The following SLC15A2 variants were observed in gnomAD, a reference collection of about 807,000 sequenced individuals.
The protein encoded by SLC15A2 is kidney H(+)/peptide cotransporter.
SLC15A2 carries 77 observed loss-of-function variants against 95.5 expected under a neutral mutation model. The ratio of observed to expected loss-of-function variants is 0.81; its 90% CI spans 0.67 to 0.97. SLC15A2 has a LOEUF of 0.97. Ranked by LOEUF, SLC15A2 falls within the 50% of genes least tolerant of loss-of-function variation. The pLI, the probability that SLC15A2 is intolerant of heterozygous loss-of-function variation, is 0.00. For missense variants in SLC15A2, 893 were observed against 874.4 expected (o/e 1.02, Z -0.27); for synonymous variants, 306 against 306.9 (o/e 1.00, Z 0.03).
intron 3 of SLC15A2, among the ~76,000 whole-genome samples, chr3:121,901,211 A>T (rs1306919344): frequency 2.0e-5 from 3 of 151,654 alleles, no homozygotes; most frequent in Non-Finnish European, 4.4e-5. Context: ...TAGAGATGAG[A>T]TTTCACCATG....
At chr3:121,935,633 C>A (rs550352955) in intron 19 of SLC15A2, among the ~76,000 whole-genome samples, 2 of 151,610 alleles carry the variant, frequency 1.3e-5, no homozygotes, top group Non-Finnish European at 2.9e-5. Context: ...TTTTTTATTG[C>A]GTCTATTTGA....
chr3:121,897,651 T>C, intron 3 of SLC15A2, 122 bp downstream of exon 3: 1 of 908,326 alleles, frequency 1.1e-6, no homozygotes, highest in Admixed American at 2.8e-5. Flanking sequence ...TAAGAATCTC[T>C]GTACATCTGT....
At position 121,928,448 on chromosome 3, in the gene SLC15A2, C is replaced by T; in HGVS notation, c.1234C>T (p.Gln412Ter). The T allele has an allele frequency of 6.2e-7, 1 of 1,613,994 alleles. No individual in the cohort carries two copies. Among genetic ancestry groups the T allele is most frequent in the Non-Finnish European group, 8.5e-7 (1 of 1,179,894 alleles). Reference sequence around the variant, plus strand: ...AATGGCCCCAGCCCAGCCAGGTCCCCAGGAGGTTTTCCTACAAGTCTTGAA... The same window carrying T: ...AATGGCCCCAGCCCAGCCAGGTCCCTAGGAGGTTTTCCTACAAGTCTTGAA... ...NEMAPAQPGP[Q>*]EVFLQVLNLA... Residue 412 changes from glutamine to a stop codon, truncating the protein, a stop_gained, in exon 15 of 22, where the codon CAG becomes TAG. Transcript: ENST00000489711. LOFTEE classifies it high-confidence loss of function.
chr3:121,923,388 C>A, intron 11 of SLC15A2, 122 bp downstream of exon 11: 2 of 915,546 alleles, frequency 2.2e-6, no homozygotes, highest in Middle Eastern at 2.5e-4. Flanking sequence ...GTGCTTTTAG[C>A]CTGAAGGTAC....
At chr3:121,927,533 G>A (rs1432748358) in intron 13 of SLC15A2, 13 of 460,150 alleles carry the variant, frequency 2.8e-5, no homozygotes, top group Admixed American at 1.0e-4. Flanking sequence ...AAAGCTCCTC[G>A]ATGCTTCACC....
chr3:121,919,048 G>A (rs568965111), intron 7 of SLC15A2, among the ~76,000 whole-genome samples: 40 of 152,038 alleles, frequency 2.6e-4, no homozygotes, highest in Non-Finnish European at 3.8e-4. Context: ...ACACGGTGGC[G>A]CCCAAAAACT....
At chr3:121,903,703 G>T (rs1037381229) in intron 3 of SLC15A2, among the ~76,000 whole-genome samples, 3 of 152,084 alleles carry the variant, frequency 2.0e-5, no homozygotes, top group Non-Finnish European at 4.4e-5. Flanking sequence ...CTGTTCCATT[G>T]GTCTATATAT....
intron 7 of SLC15A2, among the ~76,000 whole-genome samples, chr3:121,920,220 G>A (rs564952701): frequency 6.6e-6 from 1 of 152,220 alleles, no homozygotes; most frequent in East Asian, 1.9e-4. Flanking sequence ...CTCTTTCTAG[G>A]ATCATTCTTA....
intron 3 of SLC15A2, among the ~76,000 whole-genome samples, 168 bp from the exon 4 acceptor site, chr3:121,911,406 T>A (rs1474596507): frequency 6.6e-6 from 1 of 152,210 alleles, no homozygotes; most frequent in Admixed American, 6.5e-5. Context: ...GTCTGTTCAC[T>A]TCATTCACCA....
In SLC15A2 at chr3:121,931,678, T is replaced by C. The variant is rs1710235352; in HGVS notation, c.1704T>C (p.Phe568=). The part of the protein sequence containing the change: ...AVHCRTEDKN[F]SLNLGLLDFG... ...ACTGTAGAACAGAAGATAAGAACTT[T>C]TCTCTGAATTTGGGTCTTCTAGACT... Residue 568 remains phenylalanine (F), a synonymous_variant, in exon 19 of 22, where the codon TTT becomes TTC. Coordinates refer to ENST00000489711, the MANE Select transcript of SLC15A2 (RefSeq NM_021082.4). 1 of 1,613,698 alleles carries C rather than the reference T, an allele frequency of 6.2e-7. No individual in the cohort carries two copies. Among genetic ancestry groups the C allele is most frequent in the Non-Finnish European group, 8.5e-7 (1 of 1,179,644 alleles).
Position 121,894,413 on chromosome 3 carries a change from C to A in SLC15A2, c.-64C>A. ...AGTCCTTCTTTTCAGAGTAGGCTGGCAGCTGTCCTAACTGCCTACTAAAGC... is the reference window on the plus strand; with the variant it reads ...AGTCCTTCTTTTCAGAGTAGGCTGGAAGCTGTCCTAACTGCCTACTAAAGC... On this transcript the variant is annotated 5_prime_UTR_variant, in exon 1 of 22. Coordinates refer to ENST00000489711, the MANE Select transcript of SLC15A2 (RefSeq NM_021082.4). 1 of 1,273,950 alleles carries A rather than the reference C, an allele frequency of 7.8e-7. No individual in the cohort carries two copies. The highest frequency in any genetic ancestry group is 1.1e-6 in the Non-Finnish European group (1 of 893,380). 78.9% of individuals were successfully genotyped at this position (1,273,950 alleles called of 1,614,324 possible).
At chr3:121,905,177 T>G (rs903576597) in intron 3 of SLC15A2, among the ~76,000 whole-genome samples, 1 of 152,276 alleles carries the variant, frequency 6.6e-6, no homozygotes, top group Non-Finnish European at 1.5e-5. Flanking sequence ...TTTGTATTAC[T>G]GTGGAATCGG....
chr3:121,902,284 G>T (rs1053881225), intron 3 of SLC15A2, among the ~76,000 whole-genome samples: 2 of 152,054 alleles, frequency 1.3e-5, no homozygotes, highest in Non-Finnish European at 2.9e-5. Flanking sequence ...CATCAGTTTT[G>T]ATTTTTGACC....
At chr3:121,923,296 T>G in intron 11 of SLC15A2, 30 bp downstream of exon 11, 1 of 1,599,542 alleles carries the variant, frequency 6.3e-7, no homozygotes, top group Non-Finnish European at 8.5e-7. Context: ...CAGAGAAGTC[T>G]ATTATTTTCT....
intron 7 of SLC15A2, among the ~76,000 whole-genome samples, chr3:121,916,660 G>A (rs1305767179): frequency 1.3e-5 from 2 of 151,992 alleles, no homozygotes; most frequent in Non-Finnish European, 2.9e-5. Context: ...ACATAACAGA[G>A]TAATTATGAA....
chr3:121,895,991 G>A (rs1233298354), intron 1 of SLC15A2, among the ~76,000 whole-genome samples: 1 of 152,180 alleles, frequency 6.6e-6, no homozygotes, highest in East Asian at 1.9e-4. Flanking sequence ...AGTCCCCATA[G>A]TGGGGCTAAG....
rs778014741 is a variant in SLC15A2, at chr3:121,925,003, G to A, written c.1094G>A (p.Arg365His). Reference protein sequence around the residue: ...FIPLFDFVIYRLVSKCGINFS... With the variant: ...FIPLFDFVIYHLVSKCGINFS... ...CCGTTGTTTGACTTTGTCATTTATC[G>A]TCTGGTCTCCAAGTGTGGAATTAAC... Residue 365 changes from arginine to histidine, a missense_variant, in exon 13 of 22, where the codon CGT (arginine) becomes CAT (histidine). Coordinates refer to ENST00000489711, the MANE Select transcript of SLC15A2 (RefSeq NM_021082.4). 22 of 1,613,052 alleles carry A rather than the reference G, an allele frequency of 1.4e-5. No homozygotes were observed. The Middle Eastern group carries it at 4.9e-4, about 36-fold the overall frequency.
At chr3:121,913,213 G>A (rs1185704702) in intron 5 of SLC15A2, 93 bp downstream of exon 5, 2 of 909,156 alleles carry the variant, frequency 2.2e-6, no homozygotes, top group African/African-American at 1.6e-5. Flanking sequence ...TTGAAGTAAT[G>A]TACTGGTCAG....
At chr3:121,914,192 A>G (rs1268262431) in intron 5 of SLC15A2, among the ~76,000 whole-genome samples, 2 of 152,216 alleles carry the variant, frequency 1.3e-5, no homozygotes, top group African/African-American at 4.8e-5. Flanking sequence ...GAACTATACA[A>G]ATTAGATAAG....
Sources: gnomAD v4.1 joint callset for allele counts (sites outside exome capture counted in the v4.1 genomes callset) on GRCh38, gnomAD v4.1.1 for gene constraint, MANE v1.5 for transcripts, NCBI Gene and HGNC (gene_info 2026-07-23, HGNC 2026-07-21) for gene names.